The following NELFE variants were observed in gnomAD, a reference collection of about 807,000 sequenced individuals.
NELFE encodes negative elongation factor complex member E.
In NELFE, 26 loss-of-function variants were observed where a neutral mutation model predicts 55.5. That is an observed-to-expected ratio of 0.47 (90% CI 0.34 to 0.65). The LOEUF (loss-of-function observed/expected upper bound fraction) is 0.65. Ranked by LOEUF, NELFE falls within the 30% of genes least tolerant of loss-of-function variation. NELFE has a pLI of 0.01. For missense variants in NELFE, 403 were observed against 506.9 expected, an observed-to-expected ratio of 0.80 and a Z score of 1.97; for synonymous variants, 162 against 178.0, an observed-to-expected ratio of 0.91 and a Z score of 0.72.
chr6:31,954,964 T>G lies in NELFE; in HGVS notation c.405-72A>C. 2.5e-6 allele frequency: 4 copies of G among 1,609,830 alleles called. No individual in the cohort carries two copies. Among genetic ancestry groups the G allele is most frequent in the Non-Finnish European group, 3.4e-6 (4 of 1,177,828 alleles). On this transcript the variant is annotated intron_variant, in intron 6 of 10. Coordinates refer to ENST00000375429, the MANE Select transcript of NELFE (RefSeq NM_002904.6). This position sits in a 1 kb window ranked among gnomAD's most constrained non-coding sequence, Gnocchi z 5.5. ...CCTCAGACCCTGTGGAGACTCAATA[T>G]TCCCTCTATAGCCCAGCTCCTACAG...
At chr6:31,953,222 G>A (rs544651924) in intron 10 of NELFE, among the ~76,000 whole-genome samples, 3 of 152,152 alleles carry the variant, frequency 2.0e-5, no homozygotes, top group Non-Finnish European at 2.9e-5. Context: ...GGACATGTGG[G>A]GTGTGAGGTG....
At chr6:31,955,794 G>GA (rs1772051396) in intron 4 of NELFE, among the ~76,000 whole-genome samples, 1 of 149,486 alleles carries the variant, frequency 6.7e-6, no homozygotes, top group South Asian at 2.1e-4. Flanking sequence ...TTTTGAGACA[G>GA]AATCTTGCTC....
At chr6:31,957,473 T>C (rs920607668) in intron 2 of NELFE, 2 of 459,384 alleles carry the variant, frequency 4.4e-6, no homozygotes, top group Middle Eastern at 3.2e-4. Context: ...AATACAATTA[T>C]AAGAGGTGCA....
In NELFE at chr6:31,954,981, C is replaced by G; in HGVS notation, c.404+78G>C. ...ACTCAATATTCCCTCTATAGCCCAG[C>G]TCCTACAGCCCAAACCTCCCAAGGA... On this transcript the variant is annotated intron_variant, in intron 6 of 10. Transcript: ENST00000375429. This position sits in a 1 kb window ranked among gnomAD's most constrained non-coding sequence, Gnocchi z 5.5. The G allele has an allele frequency of 6.2e-7, 1 of 1,613,250 alleles. No homozygotes were observed. Among genetic ancestry groups the G allele is most frequent in the Non-Finnish European group, 8.5e-7 (1 of 1,179,630 alleles).
chr6:31,958,925 C>G lies in NELFE; in HGVS notation c.-42G>C. The G allele has an allele frequency of 3.4e-6, 2 of 594,726 alleles. No homozygotes were observed. Among genetic ancestry groups the G allele is most frequent in the South Asian group, 2.0e-5 (1 of 49,364 alleles). 36.8% of individuals were successfully genotyped at this position (594,726 alleles called of 1,614,324 possible). A position where few individuals can be genotyped will look rare whatever the true frequency, so the allele number is the denominator to read the frequency against. ...GCGGCAACCGGGGGCCCCACGGTCTCCGGCCGCGCCCGCGCTGGCCGCTGA... is the reference window on the plus strand; with the variant it reads ...GCGGCAACCGGGGGCCCCACGGTCTGCGGCCGCGCCCGCGCTGGCCGCTGA... On this transcript the variant is annotated 5_prime_UTR_variant, in exon 1 of 11. Coordinates refer to ENST00000375429, the MANE Select transcript of NELFE (RefSeq NM_002904.6).
Position 31,954,620 on chromosome 6 carries a change from C to T in NELFE, c.677G>A (p.Arg226Gln). 1.2e-5 allele frequency: 20 copies of T among 1,608,626 alleles called. No individual in the cohort carries two copies. Among genetic ancestry groups the T allele is most frequent in the East Asian group, 2.2e-5 (1 of 44,798 alleles). The change falls in exon 7 of 11, where the codon CGA (arginine) becomes CAA (glutamine). Residue 226 changes from arginine (R) to glutamine (Q), a missense_variant. Coordinates refer to ENST00000375429, the MANE Select transcript of NELFE (RefSeq NM_002904.6). The surrounding 1 kb of genome is among the most constrained non-coding windows in gnomAD (Gnocchi z 5.5). ...CCGATCCCTGTCCCGTTCCCGGTCTCGATCTCGATCCCGATCCCGATCCCT... is the reference window on the plus strand; with the variant it reads ...CCGATCCCTGTCCCGTTCCCGGTCTTGATCTCGATCCCGATCCCGATCCCT... ...RDRDRDRDRD[R>Q]DRERDRDRER...
chr6:31,958,462 AG>A lies in NELFE; in HGVS notation c.-8-9del. 2 of 1,611,912 alleles carry A rather than the reference AG, an allele frequency of 1.2e-6. No individual in the cohort carries two copies. Among genetic ancestry groups the A allele is most frequent in the Non-Finnish European group, 1.7e-6 (2 of 1,178,996 alleles). ...TCACCAACATGGTGGCTCCTAGTTC[AG>A]GGGCAGGGCCCAAGACATCTTTCTC... On this transcript the variant is annotated splice_polypyrimidine_tract_variant and intron_variant, in intron 1 of 10. Transcript: ENST00000375429.
At position 31,954,244 on chromosome 6, in the gene NELFE, TCA is replaced by T; in HGVS notation, c.887+52_887+53del. 6.2e-7 allele frequency: 1 copy of T among 1,610,884 alleles called. No individual in the cohort carries two copies. Among genetic ancestry groups the T allele is most frequent in the Non-Finnish European group, 8.5e-7 (1 of 1,177,926 alleles). On this transcript the variant is annotated intron_variant, in intron 8 of 10. Coordinates refer to ENST00000375429, the MANE Select transcript of NELFE (RefSeq NM_002904.6). This position sits in a 1 kb window ranked among gnomAD's most constrained non-coding sequence, Gnocchi z 5.5. Reference sequence around the variant, plus strand: ...GGAGGGCAGCTTCTTCCCTCAGGTCTCACACCCCAGGATTCTCCCAGGACTTC... The same window carrying T: ...GGAGGGCAGCTTCTTCCCTCAGGTCTCACCCCAGGATTCTCCCAGGACTTC...
Position 31,954,989 on chromosome 6 carries a change from G to C in NELFE, c.404+70C>G. Reference sequence around the variant, plus strand: ...TTCCCTCTATAGCCCAGCTCCTACAGCCCAAACCTCCCAAGGACTCAGGCA... The same window carrying C: ...TTCCCTCTATAGCCCAGCTCCTACACCCCAAACCTCCCAAGGACTCAGGCA... On this transcript the variant is annotated intron_variant, in intron 6 of 10. Transcript: ENST00000375429. The surrounding 1 kb of genome is among the most constrained non-coding windows in gnomAD (Gnocchi z 5.5). 3.1e-6 allele frequency: 5 copies of C among 1,613,370 alleles called. No individual in the cohort carries two copies. The highest frequency in any genetic ancestry group is 4.2e-6 in the Non-Finnish European group (5 of 1,179,774).
Position 31,956,842 on chromosome 6 carries a change from G to C in NELFE, c.146-4C>G. ...ATGACAGGCTGCTCTGATAGTGCTG[G>C]AGAGACAAGGGGAAGAGGCATTATG... is the stretch of plus-strand genomic sequence containing the variant. On this transcript the variant is annotated splice_polypyrimidine_tract_variant and splice_region_variant and intron_variant, in intron 3 of 10. Coordinates refer to ENST00000375429, the MANE Select transcript of NELFE (RefSeq NM_002904.6). 1 of 1,613,032 alleles carries C rather than the reference G, an allele frequency of 6.2e-7. No individual in the cohort carries two copies.
In NELFE at chr6:31,954,721, A is replaced by G; in HGVS notation, c.576T>C (p.His192=). Residue 192 remains histidine, a synonymous_variant, in exon 7 of 11, where the codon CAT becomes CAC. Transcript: ENST00000375429. This position sits in a 1 kb window ranked among gnomAD's most constrained non-coding sequence, Gnocchi z 5.5. ...CTCGGTCTCTGTCCCGGTTCCTCTC[A>G]TGGCTGCGGTCCCGGCTGCGGCTTC... ...PPRSRSRDRS[H]ERNRDRDRDR... The G allele has an allele frequency of 1.2e-6, 2 of 1,613,450 alleles. No individual in the cohort carries two copies. The highest frequency in any genetic ancestry group is 1.7e-6 in the Non-Finnish European group (2 of 1,179,792).
At position 31,958,882 on chromosome 6, in the gene NELFE, A is replaced by G. The variant is rs1262523899; in HGVS notation, c.-9+10T>C. 1 of 603,200 alleles carries G rather than the reference A, an allele frequency of 1.7e-6. No homozygotes were observed. The highest frequency in any genetic ancestry group is 2.9e-6 in the Non-Finnish European group (1 of 339,560). The allele number at this position is 603,200 out of a possible 1,614,324, so 37.4% of individuals were successfully genotyped here. ...AAAAGGGCCGAAGAGTGAGAAGCAG[A>G]GGGCCTTACCCGAGGGGGCGGCAAC... is the stretch of plus-strand genomic sequence containing the variant. On this transcript the variant is annotated intron_variant, in intron 1 of 10. Coordinates refer to ENST00000375429, the MANE Select transcript of NELFE (RefSeq NM_002904.6).
chr6:31,957,075 G>T, intron 2 of NELFE, 65 bp from the exon 3 acceptor site: 1 of 1,422,544 alleles, frequency 7.0e-7, no homozygotes, highest in Non-Finnish European at 9.7e-7. Context: ...CCTCTCCTAA[G>T]GCCCCTGGGC....
In NELFE at chr6:31,954,639, G is replaced by A. The variant is rs1447918513; in HGVS notation, c.658C>T (p.Arg220Trp). The A allele has an allele frequency of 3.1e-6, 5 of 1,603,160 alleles. No homozygotes were observed. Among genetic ancestry groups the A allele is most frequent in the East Asian group, 2.2e-5 (1 of 44,738 alleles). Residue 220 changes from arginine to tryptophan, a missense_variant, in exon 7 of 11, where the codon CGG becomes TGG. Arg to Trp is a moderately radical substitution (Grantham distance 101, BLOSUM62 -3). Transcript: ENST00000375429. The surrounding 1 kb of genome is among the most constrained non-coding windows in gnomAD (Gnocchi z 5.5). ...RDRDRERDRD[R>W]DRDRDRDRER... Reference sequence around the variant, plus strand: ...CGGTCTCGATCTCGATCCCGATCCCGATCCCTGTCCCGCTCTCTGTCTCTG... The same window carrying A: ...CGGTCTCGATCTCGATCCCGATCCCAATCCCTGTCCCGCTCTCTGTCTCTG...
chr6:31,954,921 G>C lies in NELFE; in HGVS notation c.405-29C>G, dbSNP rs777259507. The C allele has an allele frequency of 1.9e-6, 3 of 1,579,418 alleles. No homozygotes were observed. On this transcript the variant is annotated intron_variant, in intron 6 of 10. Coordinates refer to ENST00000375429, the MANE Select transcript of NELFE (RefSeq NM_002904.6). This position sits in a 1 kb window ranked among gnomAD's most constrained non-coding sequence, Gnocchi z 5.5. ...GGGAGATGCAGACTGAAGATCAAAG[G>C]GGGGTTTTACCTTCTCCCCTCAGAC...
intron 5 of NELFE, 41 bp downstream of exon 5, chr6:31,955,178 C>T (rs1270237816): frequency 6.2e-7 from 1 of 1,611,728 alleles, no homozygotes; most frequent in Non-Finnish European, 8.5e-7. Context: ...TCATATTCCT[C>T]CATCCCCAAC....
At chr6:31,955,780 T>C (rs1312024061) in intron 4 of NELFE, among the ~76,000 whole-genome samples, 6 of 152,022 alleles carry the variant, frequency 3.9e-5, no homozygotes, top group Non-Finnish European at 7.4e-5. Context: ...TTGTTTTGTT[T>C]TGTTTTTGAG....
In NELFE at chr6:31,957,380, T is replaced by TC. The variant is rs1457350030; in HGVS notation, c.76-371_76-370insG. The TC allele has an allele frequency of 5.9e-6, 3 of 508,050 alleles. No homozygotes were observed. The Admixed American group carries it at 6.8e-5, about 12-fold the overall frequency. The allele number at this position is 508,050 out of a possible 1,614,324, so 31.5% of individuals were successfully genotyped here. The stretch of plus-strand genomic sequence containing the variant: ...TGAATGAGGCCCAGCCATGACTTCG[T>TC]AACAGGGATATCCAGGAGGCTAATG... On this transcript the variant is annotated intron_variant, in intron 2 of 10. Transcript: ENST00000375429.
intron 2 of NELFE, 145 bp downstream of exon 2, chr6:31,958,227 G>C: frequency 1.4e-6 from 1 of 731,258 alleles, no homozygotes; most frequent in South Asian, 1.5e-5. Context: ...GCTTGGGAAA[G>C]CCCACCTCTC....
Sources: gnomAD v4.1 joint callset for allele counts (sites outside exome capture counted in the v4.1 genomes callset) on GRCh38, gnomAD v4.1.1 for gene constraint, Gnocchi (gnomAD v3.1) non-coding constraint, MANE v1.5 for transcripts, NCBI Gene and HGNC (gene_info 2026-07-23, HGNC 2026-07-21) for gene names.